The following STARD13 variants were observed in gnomAD, a reference collection of about 807,000 sequenced individuals.
STARD13 encodes stAR-related lipid transfer protein 13.
STARD13 carries 62 observed loss-of-function variants against 106.4 expected under a neutral mutation model. That is an observed-to-expected ratio of 0.58 (90% CI 0.48 to 0.72). The LOEUF is 0.72. Among genes scored for constraint, STARD13 ranks in the 30% least tolerant of loss-of-function variants. STARD13 has a pLI of 0.00. For missense variants in STARD13, 1,387 were observed against 1,424.0 expected (o/e 0.97, Z 0.42); for synonymous variants, 565 against 553.0 (o/e 1.02, Z -0.31).
the STARD13 span, among the ~76,000 whole-genome samples, chr13:33,393,731 C>G: frequency 6.6e-6 from 1 of 152,268 alleles, no homozygotes; most frequent in East Asian, 1.9e-4. Context: ...AATTCTCTTA[C>G]TGGGGTGCAT....
chr13:33,126,314 G>A (rs1482318207), intron 6 of STARD13, 74 bp from the exon 7 acceptor site: 1 of 1,479,560 alleles, frequency 6.8e-7, no homozygotes, highest in East Asian at 2.3e-5. Flanking sequence ...AAGCAAGCAT[G>A]AGGGAAGCCA....
intron 1 of STARD13, among the ~76,000 whole-genome samples, chr13:33,298,509 C>T (rs1892589755): frequency 6.6e-6 from 1 of 151,928 alleles, no homozygotes; most frequent in South Asian, 2.1e-4. Flanking sequence ...CCTCCTGCCA[C>T]AAAACACCAA....
At chr13:33,303,371 C>T (rs1173192708) in intron 1 of STARD13, among the ~76,000 whole-genome samples, 1 of 152,176 alleles carries the variant, frequency 6.6e-6, no homozygotes, top group Non-Finnish European at 1.5e-5. Flanking sequence ...AGCTTGGACA[C>T]CAGTGAGACT....
intron 1 of STARD13, among the ~76,000 whole-genome samples, chr13:33,182,016 A>T (rs924325592): frequency 1.3e-5 from 2 of 152,226 alleles, no homozygotes; most frequent in Non-Finnish European, 2.9e-5. Context: ...ATAACCATAG[A>T]AAAAGAATAT....
At chr13:33,155,796 T>C (rs1881881453) in intron 3 of STARD13, among the ~76,000 whole-genome samples, 1 of 152,148 alleles carries the variant, frequency 6.6e-6, no homozygotes, top group South Asian at 2.1e-4. Context: ...AGAACAGACA[T>C]GATTACTTGC....
intron 1 of STARD13, among the ~76,000 whole-genome samples, chr13:33,231,618 C>T (rs1044891846): frequency 1.3e-5 from 2 of 152,092 alleles, no homozygotes; most frequent in Non-Finnish European, 2.9e-5. Context: ...TTCACATTTA[C>T]CATCTCACTT....
At chr13:33,208,502 T>G (rs185558585) in intron 1 of STARD13, among the ~76,000 whole-genome samples, 84 of 152,264 alleles carry the variant, frequency 5.5e-4, no homozygotes, top group Admixed American at 2.0e-3. Flanking sequence ...ATATATGGGA[T>G]GGCCTTGGAT....
intron 1 of STARD13, among the ~76,000 whole-genome samples, chr13:33,326,835 T>C (rs2077780608): frequency 6.6e-6 from 1 of 152,224 alleles, no homozygotes; most frequent in South Asian, 2.1e-4. Flanking sequence ...GTGGTGCTCT[T>C]ATAATTTGTT....
intron 3 of STARD13, among the ~76,000 whole-genome samples, chr13:33,159,333 G>A (rs948534773): frequency 2.6e-5 from 4 of 152,146 alleles, no homozygotes; most frequent in African/African-American, 7.2e-5. Context: ...TGATATGTCT[G>A]GAAGATGCTT....
intron 3 of STARD13, among the ~76,000 whole-genome samples, chr13:33,153,969 A>G (rs955799050): frequency 5.3e-5 from 8 of 152,202 alleles, no homozygotes; most frequent in Non-Finnish European, 1.2e-4. Flanking sequence ...ATCAAAGGCA[A>G]GTCAGGGAGC....
At chr13:33,361,657 T>C in the STARD13 span, among the ~76,000 whole-genome samples, 23 of 152,310 alleles carry the variant, frequency 1.5e-4, no homozygotes, top group Middle Eastern at 3.4e-3. Context: ...CTTACAATTA[T>C]GGCAAGAGGC....
chr13:33,315,771 A>G (rs542626362), intron 1 of STARD13, among the ~76,000 whole-genome samples: 1 of 152,196 alleles, frequency 6.6e-6, no homozygotes, highest in Non-Finnish European at 1.5e-5. Context: ...ATGACATTTT[A>G]AACATCAAAA....
At chr13:33,668,095 T>C in the STARD13 span, among the ~76,000 whole-genome samples, 2 of 152,244 alleles carry the variant, frequency 1.3e-5, no homozygotes, top group Non-Finnish European at 2.9e-5. Context: ...GTGGCTGCGC[T>C]GGAGTCTCTG....
intron 5 of STARD13, 46 bp from the exon 6 acceptor site, chr13:33,127,592 G>C: frequency 6.7e-7 from 1 of 1,497,066 alleles, no homozygotes; most frequent in Non-Finnish European, 8.8e-7. Context: ...AAGTGGACTT[G>C]GTAGCGGGAA....
chr13:33,113,018 T>C, intron 8 of STARD13, 87 bp from the exon 9 acceptor site: 1 of 968,746 alleles, frequency 1.0e-6, no homozygotes, highest in Non-Finnish European at 1.5e-6. Flanking sequence ...ACATTCCTCG[T>C]GTGAACACGC....
Position 33,129,488 on chromosome 13 carries a change from T to C in STARD13, c.1189A>G (p.Ile397Val). 2 of 1,614,176 alleles carry C rather than the reference T, an allele frequency of 1.2e-6. No homozygotes were observed. The highest frequency in any genetic ancestry group is 1.7e-6 in the Non-Finnish European group (2 of 1,180,030). Reference sequence around the variant, plus strand: ...GTTCCTGGTTTGTGATCCTTGGGAATATGCACCACCAAATTCTCTTGGGAG... The same window carrying C: ...GTTCCTGGTTTGTGATCCTTGGGAACATGCACCACCAAATTCTCTTGGGAG... ...FHSQENLVVH[I>V]PKDHKPGTFP... The change falls in exon 5 of 14, where the codon ATT (isoleucine) becomes GTT (valine). Residue 397 changes from isoleucine (I) to valine (V), a missense_variant. Coordinates refer to ENST00000336934, the MANE Select transcript of STARD13 (RefSeq NM_178006.4).
the STARD13 span, among the ~76,000 whole-genome samples, chr13:33,485,625 G>A: frequency 6.6e-6 from 1 of 152,124 alleles, no homozygotes; most frequent in African/African-American, 2.4e-5. Flanking sequence ...TCCTCCAGAG[G>A]GACAGAATTC....
At chr13:33,400,196 G>T in the STARD13 span, among the ~76,000 whole-genome samples, 2 of 152,044 alleles carry the variant, frequency 1.3e-5, no homozygotes, top group African/African-American at 4.8e-5. Context: ...CAACTATTAT[G>T]GGTTCCGTAT....
chr13:33,674,858 G>C, the STARD13 span, among the ~76,000 whole-genome samples: 2 of 152,080 alleles, frequency 1.3e-5, no homozygotes, highest in South Asian at 2.1e-4. Flanking sequence ...CTCTGATGTC[G>C]TGTCTGGTTA....
Sources: gnomAD v4.1 joint callset for allele counts (sites outside exome capture counted in the v4.1 genomes callset) on GRCh38, gnomAD v4.1.1 for gene constraint, MANE v1.5 for transcripts, NCBI Gene and HGNC (gene_info 2026-07-23, HGNC 2026-07-21) for gene names.